Variants in TENM2 observed in about 807,000 individuals in gnomAD.
The protein encoded by TENM2 is teneurin transmembrane protein 2.
A neutral mutation model predicts 245.2 loss-of-function variants in TENM2; 52 were observed. The ratio of observed to expected loss-of-function variants is 0.21; its 90% CI spans 0.17 to 0.27. TENM2 has a LOEUF of 0.27. TENM2 is among the 10% of genes least tolerant of loss of function. The pLI is 1.00. For missense variants in TENM2, 3,046 were observed against 3,666.8 expected, an observed-to-expected ratio of 0.83 and a Z score of 4.37; for synonymous variants, 1,363 against 1,438.9, an observed-to-expected ratio of 0.95 and a Z score of 1.19.
chr5:167,230,507 T>C, the TENM2 span, among the ~76,000 whole-genome samples: 6 of 152,178 alleles, frequency 3.9e-5, no homozygotes, highest in Non-Finnish European at 8.8e-5. Context: ...GAGTAAGAGA[T>C]GCCTCTAATC....
In TENM2 at chr5:167,955,506, C is replaced by T. The variant is rs183613504; in HGVS notation, c.947+2684C>T. On this transcript the variant is annotated intron_variant, in intron 4 of 28. Transcript: ENST00000518659. ...ATTTGTCAATTTTGGCTTTCTTTGC[C>T]ATTGCTTTTTGTGTTTTTGTCATGA... Among the ~76,000 whole-genome samples, 135 of 152,156 alleles carry T rather than the reference C, an allele frequency of 8.9e-4. 1 individual carries two copies. The highest frequency in any genetic ancestry group is 6.8e-3 in the Middle Eastern group (2 of 294).
chr5:167,667,516 T>C (rs1200806798), intron 2 of TENM2, among the ~76,000 whole-genome samples: 1 of 152,156 alleles, frequency 6.6e-6, no homozygotes, highest in African/African-American at 2.4e-5. Flanking sequence ...TATTAGATAT[T>C]TAGACAAACC....
intron 3 of TENM2, among the ~76,000 whole-genome samples, chr5:167,877,634 T>C (rs999580308): frequency 6.6e-6 from 1 of 152,212 alleles, no homozygotes; most frequent in Non-Finnish European, 1.5e-5. Flanking sequence ...TCAACCTTTC[T>C]ACCGCGGAAC....
chr5:167,388,210 C>T (rs1384911040), intron 2 of TENM2, among the ~76,000 whole-genome samples: 1 of 152,080 alleles, frequency 6.6e-6, no homozygotes, highest in Non-Finnish European at 1.5e-5. Context: ...TTGGTCTGTT[C>T]AGGGTATCTA....
intron 2 of TENM2, among the ~76,000 whole-genome samples, chr5:167,722,105 A>G (rs1759669089): frequency 6.6e-6 from 1 of 152,122 alleles, no homozygotes. Flanking sequence ...CCAGCTATAA[A>G]TCCCCATGTG....
chr5:167,830,076 G>A (rs1196572029), intron 2 of TENM2, among the ~76,000 whole-genome samples: 1 of 152,154 alleles, frequency 6.6e-6, no homozygotes, highest in Non-Finnish European at 1.5e-5. Context: ...AATCCACTAG[G>A]CTGGAGCTAA....
intron 2 of TENM2, among the ~76,000 whole-genome samples, chr5:167,869,770 C>A (rs1293980261): frequency 1.3e-5 from 2 of 152,068 alleles, no homozygotes; most frequent in Admixed American, 6.6e-5. Flanking sequence ...ACTACACAGA[C>A]CTTGAAAAAC....
chr5:167,342,266 C>T (rs1197977675), intron 1 of TENM2, among the ~76,000 whole-genome samples: 1 of 152,000 alleles, frequency 6.6e-6, no homozygotes, highest in Non-Finnish European at 1.5e-5. Flanking sequence ...ACCACCATGG[C>T]AGTTTTGAGG....
At position 167,977,278 on chromosome 5, in the gene TENM2, C is replaced by T. The variant is rs1264722855; in HGVS notation, c.948-15666C>T. On this transcript the variant is annotated intron_variant, in intron 4 of 28. Coordinates refer to ENST00000518659, the Ensembl canonical transcript of TENM2. ...ACCTGTACACCAAACCCCCATGACA[C>T]GAGTTTATCTATATAACAAACCTAC... Among the ~76,000 whole-genome samples, 7 of 152,098 alleles carry T rather than the reference C, an allele frequency of 4.6e-5. No individual in the cohort carries two copies. The South Asian group carries it at 1.0e-3, about 23-fold the overall frequency.
At chr5:167,178,887 C>CT in the TENM2 span, among the ~76,000 whole-genome samples, 1 of 152,114 alleles carries the variant, frequency 6.6e-6, no homozygotes, top group Non-Finnish European at 1.5e-5. Flanking sequence ...AATTATCCAA[C>CT]TTTTTCTTGT....
chr5:167,433,685 A>G (rs960202405), intron 2 of TENM2, among the ~76,000 whole-genome samples: 1 of 152,104 alleles, frequency 6.6e-6, no homozygotes, highest in Non-Finnish European at 1.5e-5. Context: ...TAGTCTTTCT[A>G]TTAATCTCCA....
At chr5:168,003,427 T>G (rs956175974) in intron 5 of TENM2, among the ~76,000 whole-genome samples, 1 of 150,260 alleles carries the variant, frequency 6.7e-6, no homozygotes, top group Non-Finnish European at 1.5e-5. Context: ...TGAAATTAAG[T>G]CAAGAAGTAA....
At chr5:167,556,421 C>CACAT (rs1773261842) in intron 2 of TENM2, among the ~76,000 whole-genome samples, 1 of 146,644 alleles carries the variant, frequency 6.8e-6, no homozygotes, top group African/African-American at 2.5e-5. Context: ...TGTATACTTA[C>CACAT]ATATATATAT....
chr5:167,730,960 G>T (rs1760381456), intron 2 of TENM2, among the ~76,000 whole-genome samples: 1 of 152,156 alleles, frequency 6.6e-6, no homozygotes, highest in African/African-American at 2.4e-5. Context: ...TCAGTTATAA[G>T]ACACTCCATG....
chr5:168,162,622 G>T (rs1393098680), exon 13 of TENM2: 1 of 1,613,866 alleles, frequency 6.2e-7, no homozygotes, highest in East Asian at 2.2e-5. Flanking sequence ...TGGCTGCCCT[G>T]ACTTGTGCAA....
intron 19 of TENM2, among the ~76,000 whole-genome samples, chr5:168,205,024 G>C (rs1191078703): frequency 6.6e-6 from 1 of 152,170 alleles, no homozygotes; most frequent in Non-Finnish European, 1.5e-5. Context: ...ACATTCACTA[G>C]GATAGCACTT....
chr5:167,133,177 C>T, the TENM2 span, among the ~76,000 whole-genome samples: 27 of 152,082 alleles, frequency 1.8e-4, no homozygotes, highest in African/African-American at 6.5e-4. Flanking sequence ...AGGCTAAAGA[C>T]AGAGAGTGGT....
intron 7 of TENM2, among the ~76,000 whole-genome samples, chr5:168,078,948 T>G (rs1460769568): frequency 1.3e-5 from 2 of 152,170 alleles, no homozygotes; most frequent in Non-Finnish European, 2.9e-5. Context: ...TTAAAGTAGT[T>G]TTTTCCAATT....
At chr5:168,063,167 GT>G (rs1790194308) in intron 7 of TENM2, among the ~76,000 whole-genome samples, 1 of 152,136 alleles carries the variant, frequency 6.6e-6, no homozygotes, top group Non-Finnish European at 1.5e-5. Flanking sequence ...AGACATCTCA[GT>G]ATATATGAAA....
Sources: gnomAD v4.1 joint callset for allele counts (sites outside exome capture counted in the v4.1 genomes callset) on GRCh38, gnomAD v4.1.1 for gene constraint, MANE v1.5 for transcripts, NCBI Gene and HGNC (gene_info 2026-07-23, HGNC 2026-07-21) for gene names.